ODR4: variants seen among roughly 807,000 people sequenced by gnomAD.
The protein encoded by ODR4 is odr-4 GPCR localization factor homolog, also known as protein odr-4 homolog.
A neutral mutation model predicts 60.2 loss-of-function variants in ODR4; 47 were observed. The ratio of observed to expected loss-of-function variants is 0.78; its 90% CI spans 0.62 to 1.00. ODR4 has a LOEUF of 1.00. Ranked by LOEUF, ODR4 falls within the 50% of genes least tolerant of loss-of-function variation. The pLI, the probability that ODR4 is intolerant of heterozygous loss-of-function variation, is 0.00. For missense variants in ODR4, 488 were observed against 530.8 expected, an observed-to-expected ratio of 0.92 and a Z score of 0.79; for synonymous variants, 178 against 175.5, an observed-to-expected ratio of 1.01 and a Z score of -0.11.
At chr1:186,404,919 CTA>C (rs1661116342) in intron 11 of ODR4, among the ~76,000 whole-genome samples, 1 of 152,160 alleles carries the variant, frequency 6.6e-6, no homozygotes, top group African/African-American at 2.4e-5. Context: ...CACAAAATTT[CTA>C]TCTTTCTGAT....
intron 1 of ODR4, among the ~76,000 whole-genome samples, chr1:186,378,053 A>AC (rs1034172443): frequency 1.1e-4 from 3 of 26,788 alleles, no homozygotes; most frequent in African/African-American, 3.5e-4. Flanking sequence ...TCAAAAAACA[A>AC]AAAAAAAAAA....
chr1:186,428,719 C>G, the ODR4 span, among the ~76,000 whole-genome samples: 4 of 152,148 alleles, frequency 2.6e-5, no homozygotes, highest in Non-Finnish European at 5.9e-5. Flanking sequence ...CTCTTTCTTT[C>G]ACTTGGACAC....
intron 4 of ODR4, among the ~76,000 whole-genome samples, chr1:186,387,071 A>G (rs1043318061): frequency 1.3e-5 from 2 of 152,096 alleles, no homozygotes; most frequent in East Asian, 1.9e-4. Context: ...CTTGAGACAT[A>G]TAAAACCCAA....
At chr1:186,399,695 A>T (rs1571683801) in intron 11 of ODR4, among the ~76,000 whole-genome samples, 2 of 152,176 alleles carry the variant, frequency 1.3e-5, no homozygotes, top group East Asian at 3.9e-4. Flanking sequence ...TTTAGCCATA[A>T]TCAAAATATT....
intron 11 of ODR4, among the ~76,000 whole-genome samples, chr1:186,403,669 A>T (rs960589154): frequency 3.6e-5 from 5 of 140,388 alleles, no homozygotes; most frequent in Middle Eastern, 3.5e-3. Flanking sequence ...TTGTCAGTTT[A>T]AAAAAAAAAA....
At chr1:186,396,953 A>G (rs886910204) in intron 9 of ODR4, among the ~76,000 whole-genome samples, 2 of 152,176 alleles carry the variant, frequency 1.3e-5, no homozygotes, top group African/African-American at 2.4e-5. Context: ...TTATTGATGT[A>G]TCAATGAACT....
At chr1:186,384,596 C>CACACACAA in intron 3 of ODR4, among the ~76,000 whole-genome samples, 1 of 151,922 alleles carries the variant, frequency 6.6e-6, no homozygotes, top group Admixed American at 6.6e-5. Context: ...CACACACACA[C>CACACACAA]ACACACACAG....
chr1:186,396,094 C>T (rs552844701), intron 9 of ODR4, among the ~76,000 whole-genome samples: 1 of 152,278 alleles, frequency 6.6e-6, no homozygotes, highest in Admixed American at 6.5e-5. Flanking sequence ...AAGATCTAGC[C>T]CAAATGCCAC....
At chr1:186,382,812 A>G (rs1014404693) in intron 2 of ODR4, among the ~76,000 whole-genome samples, 2 of 152,254 alleles carry the variant, frequency 1.3e-5, no homozygotes, top group African/African-American at 4.8e-5. Context: ...ACATTAAAAG[A>G]TAAACAACAT....
chr1:186,416,074 A>C (rs898845978), intron 12 of ODR4, among the ~76,000 whole-genome samples: 2 of 148,132 alleles, frequency 1.4e-5, no homozygotes, highest in African/African-American at 4.9e-5. Context: ...TCTTTTTCAC[A>C]TTTTTTTTTT....
intron 13 of ODR4, 47 bp downstream of exon 13, chr1:186,417,701 T>G (rs932204957): frequency 2.0e-6 from 2 of 992,768 alleles, no homozygotes; most frequent in African/African-American, 1.6e-5. Flanking sequence ...TATTTAGATT[T>G]GAGTTTTCTT....
At chr1:186,395,820 GTATT>G (rs746491885) in intron 9 of ODR4, among the ~76,000 whole-genome samples, 3 of 152,004 alleles carry the variant, frequency 2.0e-5, no homozygotes, top group Non-Finnish European at 4.4e-5. Context: ...TTTTCAAGAA[GTATT>G]TATTGAGTTT....
chr1:186,417,755 G>T (rs1289191627), intron 13 of ODR4, 101 bp downstream of exon 13: 4 of 694,354 alleles, frequency 5.8e-6, no homozygotes, highest in Non-Finnish European at 1.0e-5. Context: ...TCTTAAGATT[G>T]CTAGACTTAA....
intron 2 of ODR4, among the ~76,000 whole-genome samples, chr1:186,382,249 T>TAAA (rs1189752791): frequency 4.9e-4 from 39 of 79,900 alleles, no homozygotes; most frequent in African/African-American, 1.5e-3. Context: ...TACAAAAAAG[T>TAAA]AAAAAAAAAA....
intron 12 of ODR4, among the ~76,000 whole-genome samples, chr1:186,408,902 CTT>C (rs908317347): frequency 6.6e-6 from 1 of 151,844 alleles, no homozygotes; most frequent in Non-Finnish European, 1.5e-5. Flanking sequence ...ATATTTCTGT[CTT>C]AAGTATTTTT....
chr1:186,384,511 A>G (rs908721874), intron 3 of ODR4, among the ~76,000 whole-genome samples: 3 of 151,494 alleles, frequency 2.0e-5, no homozygotes, highest in African/African-American at 7.3e-5. Flanking sequence ...TTAAATTCCC[A>G]ATGGTTTGTA....
the ODR4 span, among the ~76,000 whole-genome samples, chr1:186,428,610 T>C: frequency 1.3e-5 from 2 of 152,260 alleles, no homozygotes; most frequent in South Asian, 4.1e-4. Flanking sequence ...GGCTGTTTGT[T>C]GCAAGAGGCT....
In ODR4 at chr1:186,406,094, G is replaced by T; in HGVS notation, c.1012G>T (p.Glu338Ter). The change falls in exon 12 of 14, where the codon GAG (glutamate) becomes TAG (stop). Residue 338 changes from glutamate to a stop codon, truncating the protein, a stop_gained. Transcript: ENST00000287859. LOFTEE classifies it high-confidence loss of function. ...TCTTTTCCTTTTAGATTCTGAAAAA[G>T]AGTTCCACGTCCTCCCTTATCGAGT... ...EIPEKKDSEK[E>*]FHVLPYRVFV... The T allele has an allele frequency of 6.4e-7, 1 of 1,558,762 alleles. No homozygotes were observed. Among genetic ancestry groups the T allele is most frequent in the Non-Finnish European group, 8.7e-7 (1 of 1,154,514 alleles).
the ODR4 span, among the ~76,000 whole-genome samples, chr1:186,428,608 G>C: frequency 6.6e-6 from 1 of 152,158 alleles, no homozygotes; most frequent in Admixed American, 6.5e-5. Flanking sequence ...TTGGCTGTTT[G>C]TTGCAAGAGG....
Sources: gnomAD v4.1 joint callset for allele counts (sites outside exome capture counted in the v4.1 genomes callset) on GRCh38, gnomAD v4.1.1 for gene constraint, MANE v1.5 for transcripts, NCBI Gene and HGNC (gene_info 2026-07-23, HGNC 2026-07-21) for gene names.